RBM6: variants seen among roughly 807,000 people sequenced by gnomAD.
RBM6 encodes the protein RNA-binding protein 6.
RBM6 carries 23 observed loss-of-function variants against 140.4 expected under a neutral mutation model. The ratio of observed to expected loss-of-function variants is 0.16; its 90% CI spans 0.12 to 0.23. RBM6 has a LOEUF of 0.23. Among genes scored for constraint, RBM6 ranks in the 10% least tolerant of loss-of-function variants. RBM6 has a pLI of 1.00. For missense variants in RBM6, 1,139 were observed against 1,386.7 expected (o/e 0.82, Z 2.84); for synonymous variants, 439 against 475.6 (o/e 0.92, Z 1.00).
chr3:50,021,318 A>G (rs989178840), intron 6 of RBM6, among the ~76,000 whole-genome samples: 3 of 152,118 alleles, frequency 2.0e-5, no homozygotes, highest in African/African-American at 7.2e-5. Context: ...TTTAACTTCA[A>G]ATATTGTGGA....
At chr3:50,050,453 T>C (rs999146568) in intron 7 of RBM6, among the ~76,000 whole-genome samples, 4 of 152,212 alleles carry the variant, frequency 2.6e-5, no homozygotes, top group South Asian at 2.1e-4. Flanking sequence ...CATTCCTCAA[T>C]TGATGGACAT....
chr3:50,066,388 G>T lies in RBM6; in HGVS notation c.2829G>T (p.Glu943Asp), dbSNP rs1334691346. 6.2e-7 allele frequency: 1 copy of T among 1,614,076 alleles called. No homozygotes were observed. The highest frequency in any genetic ancestry group is 8.5e-7 in the Non-Finnish European group (1 of 1,180,032). The change falls in exon 17 of 21, where the codon GAG (glutamate) becomes GAT (aspartate). Residue 943 changes from glutamate to aspartate, a missense_variant. Physicochemically the swap from Glu to Asp is conservative, Grantham distance 45. This residue lies in a region of RBM6 where 40 missense variants were observed against 80.1 expected (regional missense o/e 0.50). Transcript: ENST00000266022. ...AGCGAGAGGAGCAAACCAAGAAGGA[G>T]AATGAAGAAGACAAACTCACTGACT... ...PQKREEQTKK[E>D]NEEDKLTDWN...
At chr3:49,966,566 A>G (rs1001289529) in intron 2 of RBM6, among the ~76,000 whole-genome samples, 1 of 152,178 alleles carries the variant, frequency 6.6e-6, no homozygotes, top group Non-Finnish European at 1.5e-5. Context: ...TACTATGTCT[A>G]TTTTTAAAAT....
chr3:49,987,166 G>A (rs1213321985), intron 5 of RBM6, among the ~76,000 whole-genome samples: 1 of 150,982 alleles, frequency 6.6e-6, no homozygotes, highest in African/African-American at 2.4e-5. Context: ...TCTGCTTCTC[G>A]GGTTCAAGCA....
chr3:50,056,372 G>A (rs188765550), intron 8 of RBM6, among the ~76,000 whole-genome samples: 5 of 151,532 alleles, frequency 3.3e-5, no homozygotes, highest in African/African-American at 7.3e-5. Context: ...TCGGCTCACT[G>A]CAAGCTCTGC....
Position 50,061,560 on chromosome 3 carries a change from C to CCTTT in RBM6, c.2439+13_2439+14insCTTT. The CCTTT allele has an allele frequency of 7.9e-7, 1 of 1,268,038 alleles. No individual in the cohort carries two copies. The highest frequency in any genetic ancestry group is 9.8e-7 in the Non-Finnish European group (1 of 1,020,728). 78.5% of individuals were successfully genotyped at this position (1,268,038 alleles called of 1,614,324 possible). A position where few individuals can be genotyped will look rare whatever the true frequency, so the allele number is the denominator to read the frequency against. On this transcript the variant is annotated intron_variant, in intron 14 of 20. Coordinates refer to ENST00000266022, the MANE Select transcript of RBM6 (RefSeq NM_005777.3). ...CCCCAATACCCAGGTGAGTTTGGGG[C>CCTTT]TTTTTTTTTTTTTTTTTTTTTTTTA...
At chr3:49,945,034 C>T (rs1400999179) in intron 1 of RBM6, among the ~76,000 whole-genome samples, 1 of 151,800 alleles carries the variant, frequency 6.6e-6, no homozygotes. Context: ...CGCCACCACG[C>T]CCGGCTAATT....
At chr3:50,035,554 T>A (rs12488521) in intron 6 of RBM6, among the ~76,000 whole-genome samples, 1 of 151,214 alleles carries the variant, frequency 6.6e-6, no homozygotes, top group African/African-American at 2.4e-5. Flanking sequence ...TGGTGGCGGG[T>A]GCCTGTAGTC....
intron 5 of RBM6, among the ~76,000 whole-genome samples, chr3:49,986,644 T>G (rs2085573219): frequency 4.0e-5 from 6 of 151,396 alleles, no homozygotes. Context: ...TAAACCATAC[T>G]CTCTAACTGT....
At chr3:49,975,536 G>A in intron 5 of RBM6, 144 bp downstream of exon 5, 1 of 683,166 alleles carries the variant, frequency 1.5e-6, no homozygotes, top group Non-Finnish European at 2.6e-6. Flanking sequence ...ATAACAACCA[G>A]CTTTAGTTTT....
chr3:49,953,467 C>T (rs954272604), intron 1 of RBM6, among the ~76,000 whole-genome samples: 5 of 151,464 alleles, frequency 3.3e-5, no homozygotes, highest in Non-Finnish European at 7.4e-5. Flanking sequence ...ATCTGCCCGC[C>T]TTGGCCTCCC....
At position 50,017,449 on chromosome 3, in the gene RBM6, G is replaced by T. The variant is rs188683479; in HGVS notation, c.1557+17936G>T. Among the ~76,000 whole-genome samples the T allele has an allele frequency of 5.6e-3, 846 of 151,866 alleles. 11 individuals are homozygous for T. Among genetic ancestry groups the T allele is most frequent in the African/African-American group, 0.019 (775 of 41,408 alleles). The stretch of plus-strand genomic sequence containing the variant: ...GGTGGGCGCCTGAAGTCCCAGCTAT[G>T]TGGGAGGCTGAGGCAGGAGAATGGC... On this transcript the variant is annotated intron_variant, in intron 6 of 20. Transcript: ENST00000266022.
intron 6 of RBM6, among the ~76,000 whole-genome samples, chr3:50,024,015 C>T (rs758899505): frequency 1.1e-4 from 17 of 152,058 alleles, no homozygotes; most frequent in Non-Finnish European, 4.4e-5. Context: ...AATCGTTTGT[C>T]GTAATTTTAT....
At chr3:49,969,354 A>G (rs1281331580) in intron 3 of RBM6, among the ~76,000 whole-genome samples, 1 of 78,804 alleles carries the variant, frequency 1.3e-5, no homozygotes, top group South Asian at 3.6e-4. Flanking sequence ...TTTTATTTTT[A>G]TCTTTGCATA....
Position 49,962,533 on chromosome 3 carries a change from T to G in RBM6, c.-66-43T>G, listed in dbSNP as rs1575559584. On this transcript the variant is annotated intron_variant, in intron 1 of 20. Coordinates refer to ENST00000266022, the MANE Select transcript of RBM6 (RefSeq NM_005777.3). ...AGTGGGAAACTGGTTTAGCTTTTAG[T>G]TCACATTCTAAAGTACTAATTTTTG... 3.2e-6 allele frequency: 3 copies of G among 951,200 alleles called. No homozygotes were observed. In the East Asian group the frequency reaches 8.4e-5, roughly 27 times the overall value. The allele number at this position is 951,200 out of a possible 1,614,324, so 58.9% of individuals were successfully genotyped here. A position where few individuals can be genotyped will look rare whatever the true frequency, so the allele number is the denominator to read the frequency against.
At chr3:50,070,357 G>GA in intron 18 of RBM6, 98 bp from the exon 19 acceptor site, 2 of 912,888 alleles carry the variant, frequency 2.2e-6, no homozygotes, top group Non-Finnish European at 3.5e-6. Flanking sequence ...TCTGTCTCAA[G>GA]AAAAAAATAA....
chr3:50,033,710 TCTC>T (rs2088325705), intron 6 of RBM6, among the ~76,000 whole-genome samples: 1 of 152,146 alleles, frequency 6.6e-6, no homozygotes, highest in Admixed American at 6.6e-5. Context: ...AGTGGCGTAA[TCTC>T]AGCTCACTGC....
intron 6 of RBM6, 106 bp downstream of exon 6, chr3:49,999,619 CTG>C (rs2086233753): frequency 1.0e-6 from 1 of 963,234 alleles, no homozygotes; most frequent in Non-Finnish European, 1.7e-6. Flanking sequence ...AGAAGTCTAT[CTG>C]TGGAGCATAC....
intron 2 of RBM6, 65 bp downstream of exon 2, chr3:49,962,750 C>A: frequency 7.3e-7 from 1 of 1,364,940 alleles, no homozygotes; most frequent in Non-Finnish European, 1.0e-6. Context: ...AACATTTTCG[C>A]CTACTATAAA....
Sources: gnomAD v4.1 joint callset for allele counts (sites outside exome capture counted in the v4.1 genomes callset) on GRCh38, gnomAD v4.1.1 for gene constraint, gnomAD v4.1.1 regional missense constraint, MANE v1.5 for transcripts, NCBI Gene and HGNC (gene_info 2026-07-23, HGNC 2026-07-21) for gene names.